Variants in PRUNE2 observed in about 807,000 individuals in gnomAD.
The protein encoded by PRUNE2 is protein prune homolog 2.
PRUNE2 carries 164 observed loss-of-function variants against 252.0 expected under a neutral mutation model. The ratio of observed to expected loss-of-function variants is 0.65; its 90% confidence interval spans 0.57 to 0.74. The LOEUF (loss-of-function observed/expected upper bound fraction) is 0.74. Among genes scored for constraint, PRUNE2 ranks in the 30% least tolerant of loss-of-function variants. The pLI is 0.00. For synonymous variants in PRUNE2, 1,292 were observed against 1,350.2 expected (o/e 0.96, Z 0.94); for missense variants, 3,495 against 3,711.0 (o/e 0.94, Z 1.51).
At chr9:76,635,431 G>A (rs541743087) in intron 15 of PRUNE2, among the ~76,000 whole-genome samples, 12 of 152,138 alleles carry the variant, frequency 7.9e-5, no homozygotes, top group South Asian at 4.1e-4. Context: ...TGATAACTTC[G>A]TTTTTTCAGT....
At chr9:76,895,795 T>C (rs954501953) in intron 1 of PRUNE2, among the ~76,000 whole-genome samples, 1 of 152,110 alleles carries the variant, frequency 6.6e-6, no homozygotes, top group African/African-American at 2.4e-5. Flanking sequence ...TTTATTTATT[T>C]ATTTTTGAGA....
chr9:76,649,422 A>C (rs1846276280), intron 11 of PRUNE2, among the ~76,000 whole-genome samples: 1 of 152,106 alleles, frequency 6.6e-6, no homozygotes, highest in Non-Finnish European at 1.5e-5. Flanking sequence ...TCATCTCTAC[A>C]AAAAAATATA....
chr9:76,710,051 C>A lies in PRUNE2; in HGVS notation c.2223G>T (p.Gln741His). 6.2e-7 allele frequency: 1 copy of A among 1,613,898 alleles called. No homozygotes were observed. Among genetic ancestry groups the A allele is most frequent in the East Asian group, 2.2e-5 (1 of 44,864 alleles). The change falls in exon 8 of 19, where the codon CAG becomes CAT. Residue 741 changes from glutamine (Q) to histidine (H), a missense_variant. Transcript: ENST00000376718. ...AAGGTGACTTCTCCATGGGCAGGTT[C>A]TGGAACGGCAAGCTTTCCTCATTTT... Reference protein sequence around the residue: ...QDKNEESLPFQNLPMEKSPLP... With the variant: ...QDKNEESLPFHNLPMEKSPLP...
intron 6 of PRUNE2, among the ~76,000 whole-genome samples, chr9:76,724,689 G>C (rs1279911655): frequency 6.6e-6 from 1 of 152,154 alleles, no homozygotes; most frequent in South Asian, 2.1e-4. Context: ...ATACTTGAAT[G>C]GGGGAGTTTC....
intron 10 of PRUNE2, among the ~76,000 whole-genome samples, chr9:76,653,092 C>CA (rs1336269448): frequency 1.3e-5 from 2 of 152,102 alleles, no homozygotes; most frequent in Non-Finnish European, 2.9e-5. Flanking sequence ...TGGATCCTCC[C>CA]AACCCCCTCA....
intron 1 of PRUNE2, among the ~76,000 whole-genome samples, chr9:76,883,102 T>G (rs1450700831): frequency 6.6e-6 from 1 of 152,236 alleles, no homozygotes; most frequent in Non-Finnish European, 1.5e-5. Context: ...ACATACCATC[T>G]TTGTGGTTTT....
At chr9:76,892,642 A>G (rs1026882039) in intron 1 of PRUNE2, among the ~76,000 whole-genome samples, 3 of 152,226 alleles carry the variant, frequency 2.0e-5, no homozygotes, top group Admixed American at 6.5e-5. Flanking sequence ...TAAGTAAAAT[A>G]AAAATTGGGG....
intron 6 of PRUNE2, 175 bp downstream of exon 6, chr9:76,823,457 A>T: frequency 1.7e-6 from 1 of 591,350 alleles, no homozygotes; most frequent in Non-Finnish European, 3.0e-6. Flanking sequence ...TTTTTCATTG[A>T]CTTAGCATAG....
chr9:76,843,410 G>A lies in PRUNE2; in HGVS notation c.508+3105C>T, dbSNP rs556270543. ...TGGGTGCAGCAAACCACCATGGCAC[G>A]TGTATACCTATGTAACAAACCTGCA... On this transcript the variant is annotated intron_variant, in intron 4 of 18. Coordinates refer to ENST00000376718, the MANE Select transcript of PRUNE2 (RefSeq NM_015225.3). Among the ~76,000 whole-genome samples, 182 of 152,200 alleles carry A rather than the reference G, an allele frequency of 1.2e-3. 1 individual carries two copies. Among genetic ancestry groups the A allele is most frequent in the Non-Finnish European group, 2.4e-3 (160 of 68,008 alleles).
At chr9:76,746,875 G>A (rs979745803) in intron 6 of PRUNE2, among the ~76,000 whole-genome samples, 1 of 152,182 alleles carries the variant, frequency 6.6e-6, no homozygotes, top group Non-Finnish European at 1.5e-5. Context: ...TCTTCCATGT[G>A]GCTGTTCATC....
At position 76,742,046 on chromosome 9, in the gene PRUNE2, C is replaced by T. The variant is rs112022025; in HGVS notation, c.757-28325G>A. On this transcript the variant is annotated intron_variant, in intron 6 of 18. Coordinates refer to ENST00000376718, the MANE Select transcript of PRUNE2 (RefSeq NM_015225.3). ...ATTAAATTTCAGATGAATTAGAGAT[C>T]TAAACGTAAAAATGTTAAATAATAA... is the stretch of plus-strand genomic sequence containing the variant. Among the ~76,000 whole-genome samples, 1,454 of 152,190 alleles carry T rather than the reference C, an allele frequency of 9.6e-3. 16 individuals carry two copies. The highest frequency in any genetic ancestry group is 0.012 in the Non-Finnish European group (814 of 68,022).
chr9:76,751,908 T>G (rs9696512), intron 6 of PRUNE2, among the ~76,000 whole-genome samples: 98,054 of 151,982 alleles, frequency 0.65, 32,471 homozygotes, highest in East Asian at 0.83. Context: ...TTGGATCTCA[T>G]GAAAAGCCAT....
rs970405419 is a variant in PRUNE2 at position 76,833,839 on chromosome 9, G to A, written c.509-7107C>T. Among the ~76,000 whole-genome samples, 6 of 150,292 alleles carry A rather than the reference G, an allele frequency of 4.0e-5. No homozygotes were observed. In the South Asian group the frequency reaches 1.3e-3, roughly 32 times the overall value. ...CACAGTTAATTGTGGAATACTGAAA[G>A]ACTTCCACTTCAAATCAGGAATGAG... is the stretch of plus-strand genomic sequence containing the variant. On this transcript the variant is annotated intron_variant, in intron 4 of 18. Coordinates refer to ENST00000376718, the MANE Select transcript of PRUNE2 (RefSeq NM_015225.3).
intron 1 of PRUNE2, among the ~76,000 whole-genome samples, chr9:76,876,451 CA>C (rs1242944888): frequency 6.6e-6 from 1 of 152,150 alleles, no homozygotes; most frequent in African/African-American, 2.4e-5. Flanking sequence ...CCAAGGCAGG[CA>C]ATGGGTGATA....
intron 6 of PRUNE2, among the ~76,000 whole-genome samples, chr9:76,733,025 T>A (rs547561126): frequency 2.0e-4 from 30 of 152,332 alleles, no homozygotes; most frequent in East Asian, 1.7e-3. Context: ...TAGATTTTTT[T>A]AAATTTCTGA....
At chr9:76,847,475 A>T (rs2059731111) in intron 3 of PRUNE2, among the ~76,000 whole-genome samples, 1 of 152,220 alleles carries the variant, frequency 6.6e-6, no homozygotes, top group Non-Finnish European at 1.5e-5. Flanking sequence ...TTTAAAAAAA[A>T]AACTGAGGCA....
chr9:76,787,966 C>T (rs751436455), intron 6 of PRUNE2, among the ~76,000 whole-genome samples: 2 of 152,196 alleles, frequency 1.3e-5, no homozygotes, highest in Non-Finnish European at 2.9e-5. Context: ...CCACACATGG[C>T]CTCGGAACAT....
At chr9:76,630,715 A>C (rs1837231555) in intron 15 of PRUNE2, among the ~76,000 whole-genome samples, 1 of 151,976 alleles carries the variant, frequency 6.6e-6, no homozygotes, top group African/African-American at 2.4e-5. Context: ...TTTAGTAGAG[A>C]CAGGGTTTCA....
At chr9:76,702,013 T>A (rs1265573331) in intron 9 of PRUNE2, among the ~76,000 whole-genome samples, 1 of 152,046 alleles carries the variant, frequency 6.6e-6, no homozygotes, top group Non-Finnish European at 1.5e-5. Flanking sequence ...ATGTGATGTG[T>A]ATAGTCCTTT....
Sources: gnomAD v4.1 joint callset for allele counts (sites outside exome capture counted in the v4.1 genomes callset) on GRCh38, gnomAD v4.1.1 for gene constraint, MANE v1.5 for transcripts, NCBI Gene and HGNC (gene_info 2026-07-23, HGNC 2026-07-21) for gene names.